The following CD28 variants were observed in gnomAD, a reference collection of about 807,000 sequenced individuals.
The protein encoded by CD28 is T-cell-specific surface glycoprotein CD28.
A neutral mutation model predicts 21.4 loss-of-function variants in CD28; 8 were observed. The observed-to-expected ratio is 0.37, with a 90% CI of 0.22 to 0.68. CD28 has a LOEUF of 0.68. Ranked by LOEUF, CD28 falls within the 30% of genes least tolerant of loss-of-function variation. The probability of loss-of-function intolerance (pLI) is 0.55; values close to 1 mark genes in which losing one functional copy is unlikely to be tolerated. For synonymous variants in CD28, 106 were observed against 104.0 expected, an observed-to-expected ratio of 1.02 and a Z score of -0.12; for missense variants, 239 against 272.2, an observed-to-expected ratio of 0.88 and a Z score of 0.86.
At chr2:203,726,356 T>C (rs1189251059) in intron 1 of CD28, among the ~76,000 whole-genome samples, 1 of 152,204 alleles carries the variant, frequency 6.6e-6, no homozygotes, top group Non-Finnish European at 1.5e-5. Flanking sequence ...AAATTGTGAG[T>C]GCCTAGCTGT....
intron 1 of CD28, among the ~76,000 whole-genome samples, chr2:203,717,203 T>C (rs1390749886): frequency 1.3e-5 from 2 of 152,188 alleles, no homozygotes; most frequent in African/African-American, 2.4e-5. Context: ...CCTATAATCA[T>C]TTGTCCTTGT....
At chr2:203,707,283 G>C (rs3181100) in intron 1 of CD28, among the ~76,000 whole-genome samples, 91,907 of 151,806 alleles carry the variant, frequency 0.61, 28,140 homozygotes, top group East Asian at 0.86. Flanking sequence ...TTCTCACTAG[G>C]TAAGCTTAGG....
At chr2:203,708,832 A>G (rs930343111) in intron 1 of CD28, among the ~76,000 whole-genome samples, 1 of 152,248 alleles carries the variant, frequency 6.6e-6, no homozygotes, top group African/African-American at 2.4e-5. Context: ...GACCACATAA[A>G]AAATGTATGA....
In CD28 at chr2:203,735,184, T is replaced by G. The variant is rs368834988; in HGVS notation, c.*272T>G. 2.4e-6 allele frequency: 1 copy of G among 420,204 alleles called. No individual in the cohort carries two copies. Among genetic ancestry groups the G allele is most frequent in the South Asian group, 3.8e-5 (1 of 26,468 alleles). The allele number at this position is 420,204 out of a possible 1,614,324, so 26.0% of individuals were successfully genotyped here. ...GTACTTAGTGACTTGACTGAGAAGTTAGGGTAGAAAACAAAAAGGGAGTGG... is the reference window on the plus strand; with the variant it reads ...GTACTTAGTGACTTGACTGAGAAGTGAGGGTAGAAAACAAAAAGGGAGTGG... On this transcript the variant is annotated 3_prime_UTR_variant, in exon 4 of 4. Coordinates refer to ENST00000324106, the MANE Select transcript of CD28 (RefSeq NM_006139.4).
chr2:203,713,528 A>G (rs905499795), intron 1 of CD28, among the ~76,000 whole-genome samples: 1 of 152,142 alleles, frequency 6.6e-6, no homozygotes, highest in Non-Finnish European at 1.5e-5. Flanking sequence ...AGTGGTTAAT[A>G]GCATTAAACA....
At chr2:203,729,541 G>T in intron 2 of CD28, 107 bp from the exon 3 acceptor site, 1 of 1,182,806 alleles carries the variant, frequency 8.5e-7, no homozygotes, top group South Asian at 1.4e-5. Flanking sequence ...CTGGTGATAT[G>T]TTTAATATTT....
In CD28 at chr2:203,738,890, T is replaced by C. The variant is rs1694117510; in HGVS notation, c.*3978T>C. 4 of 152,224 alleles carry C rather than the reference T, an allele frequency of 2.6e-5. No homozygotes were observed. In the South Asian group the frequency reaches 8.3e-4, roughly 32 times the overall value. The allele number at this position is 152,224 out of a possible 1,614,324, so 9.4% of individuals were successfully genotyped here. A position where few individuals can be genotyped will look rare whatever the true frequency, so the allele number is the denominator to read the frequency against. On this transcript the variant is annotated 3_prime_UTR_variant, in exon 4 of 4. Transcript: ENST00000324106. ...GCCCAGAGCAGTGCCTGGTATATAATAAATATTTATTGACTGAGTGAATGA... is the reference window on the plus strand; with the variant it reads ...GCCCAGAGCAGTGCCTGGTATATAACAAATATTTATTGACTGAGTGAATGA...
chr2:203,734,738 C>T (rs1369219535), intron 3 of CD28, 46 bp from the exon 4 acceptor site: 1 of 1,609,120 alleles, frequency 6.2e-7, no homozygotes, highest in Non-Finnish European at 8.5e-7. Context: ...CTTAGAACTC[C>T]TTCCATGACA....
chr2:203,712,617 A>C lies in CD28; in HGVS notation c.52+5869A>C, dbSNP rs1693348228. 3.3e-5 allele frequency among the ~76,000 whole-genome samples: 5 copies of C among 152,228 alleles called. No homozygotes were observed. The South Asian group carries it at 1.0e-3, about 32-fold the overall frequency. ...TCTTATTCATCCTTCTAACCTCTGTATTAGGCACAATGCTGTAAGCATATA... is the reference window on the plus strand; with the variant it reads ...TCTTATTCATCCTTCTAACCTCTGTCTTAGGCACAATGCTGTAAGCATATA... On this transcript the variant is annotated intron_variant, in intron 1 of 3. Coordinates refer to ENST00000324106, the MANE Select transcript of CD28 (RefSeq NM_006139.4).
chr2:203,735,059 C>A lies in CD28; in HGVS notation c.*147C>A, dbSNP rs1693996831. Reference sequence around the variant, plus strand: ...GCCAATTTTTCTCGAGTGACTAGACCAAATATCAAGATCATTTTGAGACTC... The same window carrying A: ...GCCAATTTTTCTCGAGTGACTAGACAAAATATCAAGATCATTTTGAGACTC... On this transcript the variant is annotated 3_prime_UTR_variant, in exon 4 of 4. Coordinates refer to ENST00000324106, the MANE Select transcript of CD28 (RefSeq NM_006139.4). 5 of 827,560 alleles carry A rather than the reference C, an allele frequency of 6.0e-6. No individual in the cohort carries two copies. The highest frequency in any genetic ancestry group is 3.5e-5 in the South Asian group (2 of 57,070). The allele number at this position is 827,560 out of a possible 1,614,324, so 51.3% of individuals were successfully genotyped here. A position where few individuals can be genotyped will look rare whatever the true frequency, so the allele number is the denominator to read the frequency against.
chr2:203,734,767 A>C lies in CD28; in HGVS notation c.535-17A>C. On this transcript the variant is annotated splice_polypyrimidine_tract_variant and intron_variant, in intron 3 of 3. Transcript: ENST00000324106. ...CATGACATTGTCCCTCCATACTGAC[A>C]CTTCTCTTTCCTGCAGGTGAGGAGT... 6.2e-7 allele frequency: 1 copy of C among 1,614,074 alleles called. No homozygotes were observed. The highest frequency in any genetic ancestry group is 8.5e-7 in the Non-Finnish European group (1 of 1,179,932).
rs574216169 is a variant in CD28 at position 203,734,959 on chromosome 2, T to G, written c.*47T>G. 6.2e-7 allele frequency: 1 copy of G among 1,601,194 alleles called. No homozygotes were observed. The highest frequency in any genetic ancestry group is 1.1e-5 in the South Asian group (1 of 88,882). ...CAGCCGGCTGGCAGCCCCCATCTGC[T>G]CAATATCACTGCTCTGGATAGGAAA... On this transcript the variant is annotated 3_prime_UTR_variant, in exon 4 of 4. Coordinates refer to ENST00000324106, the MANE Select transcript of CD28 (RefSeq NM_006139.4).
At chr2:203,706,483 TCA>T (rs1693158668), upstream of CD28, 1 of 1,482,752 alleles carries the variant, frequency 6.7e-7, no homozygotes. Flanking sequence ...TCTAAAGTCA[TCA>T]AAACAACGTT....
At position 203,735,491 on chromosome 2, in the gene CD28, C is replaced by T. The variant is rs538122015; in HGVS notation, c.*579C>T. The T allele has an allele frequency of 6.5e-6, 1 of 152,914 alleles. No homozygotes were observed. Among genetic ancestry groups the T allele is most frequent in the South Asian group, 2.1e-4 (1 of 4,822 alleles). 9.5% of individuals were successfully genotyped at this position (152,914 alleles called of 1,614,324 possible). A position where few individuals can be genotyped will look rare whatever the true frequency, so the allele number is the denominator to read the frequency against. On this transcript the variant is annotated 3_prime_UTR_variant, in exon 4 of 4. Transcript: ENST00000324106. The stretch of plus-strand genomic sequence containing the variant: ...TTCCTTTAGTTTAGAAATACATAGA[C>T]ATTGTCTTTTATGAATTCTGATCAT...
At chr2:203,714,901 A>C (rs1360920514) in intron 1 of CD28, among the ~76,000 whole-genome samples, 2 of 152,164 alleles carry the variant, frequency 1.3e-5, no homozygotes, top group Non-Finnish European at 2.9e-5. Context: ...TGCCTTTGCT[A>C]TCTCCTGTTT....
At chr2:203,725,643 T>G (rs1355618390) in intron 1 of CD28, among the ~76,000 whole-genome samples, 1 of 152,212 alleles carries the variant, frequency 6.6e-6, no homozygotes, top group Non-Finnish European at 1.5e-5. Context: ...TTCTTTGATC[T>G]TTTATTGGGA....
chr2:203,725,987 T>C (rs754755237), intron 1 of CD28, among the ~76,000 whole-genome samples: 10 of 152,158 alleles, frequency 6.6e-5, no homozygotes, highest in Non-Finnish European at 1.0e-4. Context: ...GGTGGTCAGA[T>C]CACTTGAGGC....
chr2:203,722,156 T>C (rs993023047), intron 1 of CD28, among the ~76,000 whole-genome samples: 7 of 152,040 alleles, frequency 4.6e-5, no homozygotes, highest in Admixed American at 2.0e-4. Context: ...TAATTAGCAA[T>C]AGAAACACAA....
chr2:203,706,701 T>A lies in CD28; in HGVS notation c.5T>A (p.Leu2His). The A allele has an allele frequency of 1.2e-6, 2 of 1,614,136 alleles. No individual in the cohort carries two copies. Among genetic ancestry groups the A allele is most frequent in the Non-Finnish European group, 1.7e-6 (2 of 1,180,020 alleles). ...TAGCCCATCGTCAGGACAAAGATGC[T>A]CAGGCTGCTCTTGGCTCTCAACTTA... is the stretch of plus-strand genomic sequence containing the variant. M[L>H]RLLLALNLFP... is the part of the protein sequence containing the mutation. The change falls in exon 1 of 4, where the codon CTC becomes CAC. Residue 2 changes from leucine to histidine, a missense_variant. Leu to His is a moderately conservative substitution (Grantham distance 99, BLOSUM62 -3). Coordinates refer to ENST00000324106, the MANE Select transcript of CD28 (RefSeq NM_006139.4).
Sources: gnomAD v4.1 joint callset for allele counts (sites outside exome capture counted in the v4.1 genomes callset) on GRCh38, gnomAD v4.1.1 for gene constraint, MANE v1.5 for transcripts, NCBI Gene and HGNC (gene_info 2026-07-23, HGNC 2026-07-21) for gene names.